SNX27: variants seen among roughly 807,000 people sequenced by gnomAD.
The protein encoded by SNX27 is sorting nexin 27, also known as sorting nexin-27.
Under a neutral mutation model 71.6 loss-of-function variants are expected in SNX27, and 22 were observed. The observed-to-expected ratio is 0.31, with a 90% CI of 0.22 to 0.44. SNX27 has a LOEUF of 0.44. Ranked by LOEUF, SNX27 falls within the 20% of genes least tolerant of loss-of-function variation. The probability of loss-of-function intolerance (pLI) is 1.00; values close to 1 mark genes in which losing one functional copy is unlikely to be tolerated. For missense variants in SNX27, 531 were observed against 698.6 expected, an observed-to-expected ratio of 0.76 and a Z score of 2.70; for synonymous variants, 269 against 277.2, an observed-to-expected ratio of 0.97 and a Z score of 0.29.
In SNX27 at chr1:151,658,314, A is replaced by G. The variant is rs1359351750; in HGVS notation, c.623A>G (p.Lys208Arg). ...TTTGCTATCCTACACCAGAACCTGA[A>G]GAGAGAGTTTGCCAACTTTACATTT... Reference protein sequence around the residue: ...REFAILHQNLKREFANFTFPR... With the variant: ...REFAILHQNLRREFANFTFPR... The change falls in exon 3 of 12, where the codon AAG becomes AGG. Residue 208 changes from lysine to arginine, a missense_variant. Coordinates refer to ENST00000458013, the MANE Select transcript of SNX27 (RefSeq NM_001330723.2). 1.2e-6 allele frequency: 2 copies of G among 1,614,184 alleles called. No individual in the cohort carries two copies. The highest frequency in any genetic ancestry group is 1.7e-6 in the Non-Finnish European group (2 of 1,180,028).
intron 11 of SNX27, chr1:151,694,055 AG>A: frequency 8.1e-7 from 1 of 1,239,536 alleles, no homozygotes. Flanking sequence ...TACAGTAGAA[AG>A]AACATTGGGC....
intron 1 of SNX27, among the ~76,000 whole-genome samples, chr1:151,628,353 C>T (rs1044530052): frequency 6.6e-6 from 1 of 152,176 alleles, no homozygotes; most frequent in African/African-American, 2.4e-5. Flanking sequence ...GCATAATACT[C>T]AACTGTATGG....
At chr1:151,667,594 G>A (rs1321299888) in intron 6 of SNX27, among the ~76,000 whole-genome samples, 1 of 120,756 alleles carries the variant, frequency 8.3e-6, no homozygotes, top group Non-Finnish European at 2.1e-5. Flanking sequence ...GGGAGGCCGA[G>A]GCGGGCGGAT....
At chr1:151,636,605 C>A (rs1049470018) in intron 1 of SNX27, among the ~76,000 whole-genome samples, 1 of 147,658 alleles carries the variant, frequency 6.8e-6, no homozygotes, top group Non-Finnish European at 1.5e-5. Context: ...CTGTGCCTAG[C>A]CTGTATCCAA....
chr1:151,695,571 C>T lies in SNX27; in HGVS notation c.*1154C>T, dbSNP rs1349996532. ...AGTAGCTGGGACTACAGGTGTGCAC[C>T]ACCACACCTGGCTAATTCTTCTTAA... On this transcript the variant is annotated 3_prime_UTR_variant, in exon 12 of 12. Transcript: ENST00000458013. The T allele has an allele frequency of 6.6e-6, 1 of 151,942 alleles. No homozygotes were observed. Among genetic ancestry groups the T allele is most frequent in the Admixed American group, 6.6e-5 (1 of 15,250 alleles). 9.4% of individuals were successfully genotyped at this position (151,942 alleles called of 1,614,324 possible). A position where few individuals can be genotyped will look rare whatever the true frequency, so the allele number is the denominator to read the frequency against.
intron 1 of SNX27, among the ~76,000 whole-genome samples, chr1:151,621,377 T>G (rs1314584844): frequency 6.6e-6 from 1 of 152,230 alleles, no homozygotes; most frequent in Admixed American, 6.5e-5. Context: ...ATTTGAGTAC[T>G]CTTATGTGTA....
intron 8 of SNX27, among the ~76,000 whole-genome samples, chr1:151,686,492 T>G (rs1001635691): frequency 1.3e-5 from 2 of 152,272 alleles, no homozygotes; most frequent in Non-Finnish European, 2.9e-5. Context: ...TAAAATATGC[T>G]TAAACATTTG....
chr1:151,698,699 G>A lies in SNX27; in HGVS notation c.*4282G>A, dbSNP rs1671898433. On this transcript the variant is annotated 3_prime_UTR_variant, in exon 12 of 12. Coordinates refer to ENST00000458013, the MANE Select transcript of SNX27 (RefSeq NM_001330723.2). ...CCTCAGCAATAATCTAGGGTATGTG[G>A]GAAGGTCAGGGCTGTGGTAAGGAAT... 1 of 152,508 alleles carries A rather than the reference G, an allele frequency of 6.6e-6. No individual in the cohort carries two copies. Among genetic ancestry groups the A allele is most frequent in the South Asian group, 2.1e-4 (1 of 4,830 alleles). 9.4% of individuals were successfully genotyped at this position (152,508 alleles called of 1,614,324 possible). A position where few individuals can be genotyped will look rare whatever the true frequency, so the allele number is the denominator to read the frequency against.
chr1:151,619,078 C>T (rs538146937), intron 1 of SNX27, among the ~76,000 whole-genome samples: 1 of 151,622 alleles, frequency 6.6e-6, no homozygotes, highest in Non-Finnish European at 1.5e-5. Context: ...CAGTGGCTCA[C>T]GCCTGTAATC....
chr1:151,665,700 G>A (rs137942365), intron 5 of SNX27, among the ~76,000 whole-genome samples: 178 of 152,300 alleles, frequency 1.2e-3, no homozygotes, highest in Non-Finnish European at 2.1e-3. Context: ...AGAGATAATA[G>A]CTGTTGGGGC....
At position 151,668,588 on chromosome 1, in the gene SNX27, A is replaced by G. The variant is rs1264123337; in HGVS notation, c.1102A>G (p.Ile368Val). Residue 368 changes from isoleucine (I) to valine (V), a missense_variant, in exon 7 of 12, where the codon ATT becomes GTT. Ile to Val is a conservative substitution (Grantham distance 29). Transcript: ENST00000458013. ...GTGGCTTTTTACAACAGAAGAAGAA[A>G]TTCTCTTAAATGACAATGACCTTGC... ...RKWLFTTEEE[I>V]LLNDNDLAVT... is the part of the protein sequence containing the mutation. 1 of 1,614,064 alleles carries G rather than the reference A, an allele frequency of 6.2e-7. No homozygotes were observed. Among genetic ancestry groups the G allele is most frequent in the Admixed American group, 1.7e-5 (1 of 60,008 alleles).
At chr1:151,618,068 G>A (rs1400567058) in intron 1 of SNX27, among the ~76,000 whole-genome samples, 1 of 145,220 alleles carries the variant, frequency 6.9e-6, no homozygotes, top group Non-Finnish European at 1.5e-5. Context: ...GGGTTGCCAT[G>A]TTGCCCAGTG....
intron 6 of SNX27, chr1:151,666,374 G>C (rs760395812): frequency 1.2e-5 from 2 of 164,914 alleles, no homozygotes; most frequent in Non-Finnish European, 2.6e-5. Flanking sequence ...ATTCTTAAGC[G>C]TAGCTTTCTG....
At chr1:151,640,457 A>C (rs2102635899) in intron 2 of SNX27, among the ~76,000 whole-genome samples, 1 of 152,212 alleles carries the variant, frequency 6.6e-6, no homozygotes, top group Admixed American at 6.5e-5. Flanking sequence ...GGCTCACTGC[A>C]ATCTCTGCCT....
At chr1:151,665,721 G>GT (rs1344828040) in intron 5 of SNX27, among the ~76,000 whole-genome samples, 1 of 152,122 alleles carries the variant, frequency 6.6e-6, no homozygotes, top group African/African-American at 2.4e-5. Context: ...AGATACAGGT[G>GT]TTTTTTCCCT....
chr1:151,693,625 A>G (rs1458676125), intron 11 of SNX27, 142 bp downstream of exon 11: 1 of 1,613,660 alleles, frequency 6.2e-7, no homozygotes, highest in East Asian at 2.2e-5. Flanking sequence ...ATCTCATGTG[A>G]GCCAGGACAT....
rs1053011665 is a variant in SNX27 at position 151,692,355 on chromosome 1, G to T, written c.1240-80G>T. On this transcript the variant is annotated intron_variant, in intron 8 of 11. Coordinates refer to ENST00000458013, the MANE Select transcript of SNX27 (RefSeq NM_001330723.2). ...CTTTTTCTTGCACCACATCTCAATA[G>T]CTCTTTATTGTGTTTAATACCATAG... 2.5e-5 allele frequency: 35 copies of T among 1,416,496 alleles called. No individual in the cohort carries two copies. In the African/African-American group the frequency reaches 4.6e-4, roughly 19 times the overall value. 87.7% of individuals were successfully genotyped at this position (1,416,496 alleles called of 1,614,324 possible). A position where few individuals can be genotyped will look rare whatever the true frequency, so the allele number is the denominator to read the frequency against.
intron 8 of SNX27, among the ~76,000 whole-genome samples, chr1:151,689,759 A>G (rs1376690916): frequency 6.6e-6 from 1 of 152,154 alleles, no homozygotes; most frequent in Non-Finnish European, 1.5e-5. Flanking sequence ...GTTTCTGATG[A>G]CTATGTTAGG....
intron 4 of SNX27, among the ~76,000 whole-genome samples, chr1:151,661,718 T>A (rs959306957): frequency 2.6e-5 from 4 of 152,198 alleles, no homozygotes; most frequent in African/African-American, 7.2e-5. Context: ...CTTTTAACAA[T>A]CTCCTGATTA....
Sources: allele counts gnomAD v4.1 joint callset (sites outside exome capture counted in the v4.1 genomes callset), GRCh38; gene constraint gnomAD v4.1.1; transcripts MANE v1.5; gene names NCBI Gene and HGNC (gene_info 2026-07-23, HGNC 2026-07-21).